SAMD5: variants seen among roughly 807,000 people sequenced by gnomAD.
The protein encoded by SAMD5 is sterile alpha motif domain-containing protein 5.
In SAMD5, 13 loss-of-function variants were observed where a neutral mutation model predicts 11.3. The ratio of observed to expected loss-of-function variants is 1.15; its 90% CI spans 0.75 to 1.83. The LOEUF is 1.83. Ranked by LOEUF, SAMD5 falls within the 40% of genes most tolerant of loss-of-function variation. SAMD5 has a pLI of 0.00. For missense variants in SAMD5, 255 were observed against 239.1 expected (o/e 1.07, Z -0.44); for synonymous variants, 129 against 111.3 (o/e 1.16, Z -1.00).
the SAMD5 span, among the ~76,000 whole-genome samples, chr6:147,804,583 CT>C: frequency 3.1e-4 from 47 of 152,234 alleles, no homozygotes; most frequent in Non-Finnish European, 5.1e-4. Flanking sequence ...TTTCTTTTGC[CT>C]AATTTTGACC....
At chr6:147,802,054 A>G in the SAMD5 span, among the ~76,000 whole-genome samples, 2 of 152,194 alleles carry the variant, frequency 1.3e-5, no homozygotes, top group Non-Finnish European at 2.9e-5. Context: ...GAAAAAACTG[A>G]TAAACTAAAT....
the SAMD5 span, among the ~76,000 whole-genome samples, chr6:147,931,329 T>C: frequency 6.6e-6 from 1 of 152,312 alleles, no homozygotes; most frequent in East Asian, 1.9e-4. Context: ...TCAAATAAAA[T>C]AATATCCCAT....
chr6:147,790,657 G>A, the SAMD5 span, among the ~76,000 whole-genome samples: 1 of 152,026 alleles, frequency 6.6e-6, no homozygotes, highest in Non-Finnish European at 1.5e-5. Context: ...GACTAGCTGG[G>A]GAAGATCTGC....
chr6:147,523,347 G>C (rs931376954), intron 1 of SAMD5, among the ~76,000 whole-genome samples: 5 of 152,122 alleles, frequency 3.3e-5, no homozygotes, highest in Non-Finnish European at 5.9e-5. Context: ...CATCAAATAG[G>C]TGGATTTTTT....
intron 1 of SAMD5, among the ~76,000 whole-genome samples, chr6:147,515,472 CCATT>C (rs1020507556): frequency 2.1e-5 from 3 of 144,136 alleles, no homozygotes; most frequent in Admixed American, 6.9e-5. Context: ...ATCCATCCAT[CCATT>C]CATTTATTCA....
downstream of SAMD5, among the ~76,000 whole-genome samples, chr6:147,573,755 A>C (rs1292708163): frequency 6.6e-6 from 1 of 152,194 alleles, no homozygotes; most frequent in Admixed American, 6.5e-5. Context: ...TGGGCAGTAG[A>C]ATGTGGAGGG....
At position 147,567,597 on chromosome 6, in the gene SAMD5, T is replaced by A. The variant is rs1419575432; in HGVS notation, c.*3141T>A. 14 of 951,996 alleles carry A rather than the reference T, an allele frequency of 1.5e-5. No homozygotes were observed. Among genetic ancestry groups the A allele is most frequent in the African/African-American group, 1.8e-5 (1 of 56,508 alleles). 59.0% of individuals were successfully genotyped at this position (951,996 alleles called of 1,614,324 possible). A position where few individuals can be genotyped will look rare whatever the true frequency, so the allele number is the denominator to read the frequency against. ...AAGAGTTCTATGGCTTACACCCACA[T>A]ACAGTCCTTGGCTCAGTGCTAGGCA... On this transcript the variant is annotated 3_prime_UTR_variant, in exon 2 of 2. Coordinates refer to ENST00000367474, the MANE Select transcript of SAMD5 (RefSeq NM_001030060.3).
In SAMD5 at chr6:147,566,626, CAG is replaced by C. The variant is rs1789045882; in HGVS notation, c.*2171_*2172del. On this transcript the variant is annotated 3_prime_UTR_variant, in exon 2 of 2. Transcript: ENST00000367474. Reference sequence around the variant, plus strand: ...TAATATCTAACTTCAATTATTTTGCCAGGTTTAAACCTTCTCTCTGTGTCTGT... The same window carrying C: ...TAATATCTAACTTCAATTATTTTGCCGTTTAAACCTTCTCTCTGTGTCTGT... 1.0e-6 allele frequency: 1 copy of C among 979,594 alleles called. No individual in the cohort carries two copies. The allele number at this position is 979,594 out of a possible 1,614,324, so 60.7% of individuals were successfully genotyped here.
Position 147,565,121 on chromosome 6 carries a change from G to A in SAMD5, c.*665G>A. 1 of 985,126 alleles carries A rather than the reference G, an allele frequency of 1.0e-6. No homozygotes were observed. Among genetic ancestry groups the A allele is most frequent in the Non-Finnish European group, 1.2e-6 (1 of 829,560 alleles). 61.0% of individuals were successfully genotyped at this position (985,126 alleles called of 1,614,324 possible). A position where few individuals can be genotyped will look rare whatever the true frequency, so the allele number is the denominator to read the frequency against. ...AACTTCTCTTTTTAAATTTAATCTG[G>A]CTGAGGTTTAGTATTAGGACTAATA... On this transcript the variant is annotated 3_prime_UTR_variant, in exon 2 of 2. Transcript: ENST00000367474.
chr6:147,614,285 T>C (rs1225499732), intron 1 of SAMD5, among the ~76,000 whole-genome samples: 1 of 151,650 alleles, frequency 6.6e-6, no homozygotes, highest in East Asian at 1.9e-4. Flanking sequence ...CTAATCAACA[T>C]GGTGAAACCC....
At chr6:147,940,268 A>G in the SAMD5 span, among the ~76,000 whole-genome samples, 1 of 148,466 alleles carries the variant, frequency 6.7e-6, no homozygotes, top group African/African-American at 2.5e-5. Context: ...CCAACAGCTG[A>G]GAGGGAAAGA....
chr6:147,740,919 T>C (rs1030308737), downstream of SAMD5, among the ~76,000 whole-genome samples: 7 of 152,226 alleles, frequency 4.6e-5, no homozygotes, highest in Admixed American at 4.6e-4. Flanking sequence ...GCCAAAGCAG[T>C]TGGCATTACT....
chr6:147,618,721 A>G (rs1429957633), intron 1 of SAMD5, among the ~76,000 whole-genome samples: 1 of 152,178 alleles, frequency 6.6e-6, no homozygotes, highest in Admixed American at 6.5e-5. Context: ...CTTGCCCCTT[A>G]GGGCACCTGA....
chr6:147,806,797 T>C, the SAMD5 span, among the ~76,000 whole-genome samples: 1 of 152,150 alleles, frequency 6.6e-6, no homozygotes, highest in Non-Finnish European at 1.5e-5. Flanking sequence ...AGCCCTCAAA[T>C]CCAATAGGAT....
At chr6:147,874,590 A>T in the SAMD5 span, among the ~76,000 whole-genome samples, 1 of 151,358 alleles carries the variant, frequency 6.6e-6, no homozygotes, top group Admixed American at 6.6e-5. Flanking sequence ...TTTTAAGTCC[A>T]CAGCAAAGAC....
intron 1 of SAMD5, among the ~76,000 whole-genome samples, chr6:147,578,336 T>C (rs1789247968): frequency 6.6e-6 from 1 of 152,190 alleles, no homozygotes; most frequent in Non-Finnish European, 1.5e-5. Context: ...GAAATAATGT[T>C]GAGCAACTAA....
At chr6:147,559,580 T>G (rs1000859024) in intron 1 of SAMD5, among the ~76,000 whole-genome samples, 7 of 152,092 alleles carry the variant, frequency 4.6e-5, no homozygotes, top group African/African-American at 7.2e-5. Flanking sequence ...AAGCCCTGAA[T>G]TTTTCTCCAG....
At chr6:147,909,638 C>CTTTCTTTCT in the SAMD5 span, among the ~76,000 whole-genome samples, 1 of 83,542 alleles carries the variant, frequency 1.2e-5, no homozygotes, top group East Asian at 3.6e-4. Context: ...CTTTCTCTTT[C>CTTTCTTTCT]TTGTCTTTTG....
chr6:147,540,354 G>C (rs1290972998), intron 1 of SAMD5, among the ~76,000 whole-genome samples: 1 of 152,208 alleles, frequency 6.6e-6, no homozygotes, highest in Non-Finnish European at 1.5e-5. Context: ...AGAGAAGCCA[G>C]TTTCAAGCTT....
Sources: gnomAD v4.1 joint callset for allele counts (sites outside exome capture counted in the v4.1 genomes callset) on GRCh38, gnomAD v4.1.1 for gene constraint, MANE v1.5 for transcripts, NCBI Gene and HGNC (gene_info 2026-07-23, HGNC 2026-07-21) for gene names.